Variants in USP25 observed in about 807,000 individuals in gnomAD.
USP25 encodes the protein ubiquitin carboxyl-terminal hydrolase 25.
A neutral mutation model predicts 158.5 loss-of-function variants in USP25; 85 were observed. The ratio of observed to expected loss-of-function variants is 0.54; its 90% CI spans 0.45 to 0.64. The LOEUF (loss-of-function observed/expected upper bound fraction) is 0.64. USP25 is among the 30% of genes least tolerant of loss of function. The pLI, the probability that USP25 is intolerant of heterozygous loss-of-function variation, is 0.00. For synonymous variants in USP25, 464 were observed against 460.4 expected (o/e 1.01, Z -0.10); for missense variants, 1,242 against 1,327.3 (o/e 0.94, Z 1.00).
chr21:15,840,840 A>G (rs1220870641), intron 17 of USP25, among the ~76,000 whole-genome samples: 1 of 152,202 alleles, frequency 6.6e-6, no homozygotes, highest in Admixed American at 6.5e-5. Context: ...AACCGTTGAC[A>G]TTATCTGCTA....
intron 20 of USP25, among the ~76,000 whole-genome samples, chr21:15,860,084 G>A (rs2039358909): frequency 6.6e-6 from 1 of 150,638 alleles, no homozygotes; most frequent in African/African-American, 2.4e-5. Context: ...TGCCTCCCGG[G>A]TTCAAGTGAT....
At chr21:15,751,289 G>A (rs553910414) in intron 1 of USP25, among the ~76,000 whole-genome samples, 21 of 152,210 alleles carry the variant, frequency 1.4e-4, no homozygotes, top group Non-Finnish European at 2.8e-4. Context: ...GTGCTTTATC[G>A]TATCTAGATG....
Position 15,833,333 on chromosome 21 carries a change from A to C in USP25, c.1994-15A>C. ...ATTCTTAATTTTATACTAGTTTTTG[A>C]AATATGATTTGCAGAGGAGTTTAAT... On this transcript the variant is annotated splice_polypyrimidine_tract_variant and intron_variant, in intron 16 of 25. Transcript: ENST00000400183. 1 of 1,598,638 alleles carries C rather than the reference A, an allele frequency of 6.3e-7. No homozygotes were observed. The highest frequency in any genetic ancestry group is 8.5e-7 in the Non-Finnish European group (1 of 1,173,608).
At chr21:15,848,232 C>G (rs1285243637) in intron 19 of USP25, among the ~76,000 whole-genome samples, 1 of 152,166 alleles carries the variant, frequency 6.6e-6, no homozygotes, top group Non-Finnish European at 1.5e-5. Context: ...TACAGCCTCT[C>G]CATGTGACTG....
chr21:15,877,968 C>T lies in USP25; in HGVS notation c.3182C>T (p.Ser1061Phe), dbSNP rs2040164694. 12 of 1,610,558 alleles carry T rather than the reference C, an allele frequency of 7.5e-6. No homozygotes were observed. The highest frequency in any genetic ancestry group is 1.0e-5 in the Non-Finnish European group (12 of 1,178,562). ...AVEDMRNRWC[S>F]YLGQEMEPHL... is the part of the protein sequence containing the mutation. ...GAAGATATGAGAAATCGATGGTGTT[C>T]CTACCTTGGTCAAGAAATGGAACGT... The change falls in exon 25 of 26, where the codon TCC (serine) becomes TTC (phenylalanine). Residue 1061 changes from serine (S) to phenylalanine (F), a missense_variant. Transcript: ENST00000400183.
intron 17 of USP25, among the ~76,000 whole-genome samples, chr21:15,841,200 T>G (rs2038317200): frequency 6.6e-6 from 1 of 152,222 alleles, no homozygotes; most frequent in South Asian, 2.1e-4. Context: ...TGTGTTCATG[T>G]GCAGTCTCCA....
intron 23 of USP25, 66 bp downstream of exon 23, chr21:15,870,213 C>CCTG: frequency 9.4e-7 from 1 of 1,059,970 alleles, no homozygotes; most frequent in South Asian, 1.6e-5. Flanking sequence ...CAGGTGTGAC[C>CCTG]TCATCCATGG....
intron 23 of USP25, among the ~76,000 whole-genome samples, chr21:15,873,307 T>G (rs1389164952): frequency 1.3e-5 from 2 of 151,340 alleles, no homozygotes; most frequent in East Asian, 1.9e-4. Context: ...TTTGTAGAGA[T>G]GGGGGTGTCA....
chr21:15,843,581 A>G lies in USP25; in HGVS notation c.2337+1041A>G, dbSNP rs1440581096. 3.3e-5 allele frequency among the ~76,000 whole-genome samples: 5 copies of G among 152,202 alleles called. No individual in the cohort carries two copies. The highest frequency in any genetic ancestry group is 7.4e-5 in the Non-Finnish European group (5 of 68,020). On this transcript the variant is annotated intron_variant, in intron 18 of 25. Coordinates refer to ENST00000400183, the MANE Select transcript of USP25 (RefSeq NM_001283041.3). This position sits in a 1 kb window ranked among gnomAD's most constrained non-coding sequence, Gnocchi z 4.0. ...CATCTTATTAAAATGTATTAATTTA[A>G]ATAGATATTTGATGATTCCAAATTT...
intron 1 of USP25, among the ~76,000 whole-genome samples, chr21:15,745,592 C>T (rs1208730432): frequency 6.6e-6 from 1 of 150,854 alleles, no homozygotes; most frequent in Non-Finnish European, 1.5e-5. Context: ...TCTTCTGCCT[C>T]AGCCTCCTGA....
intron 3 of USP25, among the ~76,000 whole-genome samples, chr21:15,777,463 T>C (rs778734886): frequency 3.4e-4 from 52 of 152,336 alleles, no homozygotes; most frequent in Middle Eastern, 3.4e-3. Flanking sequence ...AAGAGTTCAC[T>C]GTTAATTATT....
chr21:15,775,249 A>T (rs1225083307), intron 3 of USP25, among the ~76,000 whole-genome samples: 1 of 152,212 alleles, frequency 6.6e-6, no homozygotes, highest in Non-Finnish European at 1.5e-5. Context: ...AGTTGTTGCT[A>T]TTTTTAAATT....
In USP25 at chr21:15,878,496, A is replaced by G. The variant is rs2040187586; in HGVS notation, c.*21A>G. On this transcript the variant is annotated 3_prime_UTR_variant, in exon 26 of 26. Coordinates refer to ENST00000400183, the MANE Select transcript of USP25 (RefSeq NM_001283041.3). ...GATAAACTGCACACTTTCCCTGAAC[A>G]CACTGTATAAACTCTTTTTAGTTCT... 2 of 1,612,552 alleles carry G rather than the reference A, an allele frequency of 1.2e-6. No homozygotes were observed. Among genetic ancestry groups the G allele is most frequent in the South Asian group, 1.1e-5 (1 of 90,888 alleles).
intron 14 of USP25, among the ~76,000 whole-genome samples, chr21:15,830,216 T>C (rs2037729670): frequency 6.6e-6 from 1 of 152,206 alleles, no homozygotes; most frequent in Non-Finnish European, 1.5e-5. Context: ...TATAGCAATA[T>C]GTAAGGAAGC....
At position 15,778,011 on chromosome 21, in the gene USP25, G is replaced by C; in HGVS notation, c.376G>C (p.Glu126Gln). The change falls in exon 4 of 26, where the codon GAA becomes CAA. Residue 126 changes from glutamate to glutamine, a missense_variant. Around this residue, in one of 3 missense-constraint regions of USP25, gnomAD observed 627 missense variants for 701.4 expected, o/e 0.89. Coordinates refer to ENST00000400183, the MANE Select transcript of USP25 (RefSeq NM_001283041.3). Reference protein sequence around the residue: ...AFRETGITDEEQAISRVLEAS... With the variant: ...AFRETGITDEQQAISRVLEAS... ...CAGGGAGACTGGAATAACTGATGAG[G>C]AACAAGCCATTAGCAGGTAAAAACA... 6.2e-7 allele frequency: 1 copy of C among 1,604,704 alleles called. No homozygotes were observed. The highest frequency in any genetic ancestry group is 1.1e-5 in the South Asian group (1 of 88,992).
chr21:15,873,718 C>T (rs1053046519), intron 23 of USP25, among the ~76,000 whole-genome samples: 1 of 152,118 alleles, frequency 6.6e-6, no homozygotes, highest in East Asian at 1.9e-4. Flanking sequence ...GTCTCGAACT[C>T]CCTACGTCAG....
chr21:15,846,820 G>A (rs761438566), intron 18 of USP25, among the ~76,000 whole-genome samples: 1 of 152,014 alleles, frequency 6.6e-6, no homozygotes, highest in Non-Finnish European at 1.5e-5. Context: ...CATCTGTATG[G>A]TATTTTGAAT....
rs1469024336 is a variant in USP25, at chr21:15,842,398, C to A, written c.2195C>A (p.Ala732Glu). 6.2e-7 allele frequency: 1 copy of A among 1,612,898 alleles called. No homozygotes were observed. The highest frequency in any genetic ancestry group is 8.5e-7 in the Non-Finnish European group (1 of 1,179,492). ...LRESETSVTT[A>E]QAAGDPEYLE... ...TATAATTGATTCTTTTCTCATGAAG[C>A]ACAAGCAGCAGGAGACCCAGAATAT... The change falls in exon 18 of 26, where the codon GCA becomes GAA. Residue 732 changes from alanine (A) to glutamate (E), a missense_variant and splice_region_variant. Coordinates refer to ENST00000400183, the MANE Select transcript of USP25 (RefSeq NM_001283041.3).
At chr21:15,767,360 G>T (rs1156343325) in intron 3 of USP25, among the ~76,000 whole-genome samples, 1 of 152,056 alleles carries the variant, frequency 6.6e-6, no homozygotes, top group East Asian at 1.9e-4. Flanking sequence ...AGAGCTGCTT[G>T]CTGGAGAATG....
Sources: gnomAD v4.1 joint callset for allele counts (sites outside exome capture counted in the v4.1 genomes callset) on GRCh38, gnomAD v4.1.1 for gene constraint, gnomAD v4.1.1 regional missense constraint, Gnocchi (gnomAD v3.1) non-coding constraint, MANE v1.5 for transcripts, NCBI Gene and HGNC (gene_info 2026-07-23, HGNC 2026-07-21) for gene names.